Variants in SCMH1 observed in about 807,000 individuals in gnomAD.
The protein encoded by SCMH1 is polycomb protein SCMH1.
A neutral mutation model predicts 70.8 loss-of-function variants in SCMH1; 37 were observed. The observed-to-expected ratio is 0.52, with a 90% CI of 0.40 to 0.69. The LOEUF (loss-of-function observed/expected upper bound fraction) is 0.69. Among genes scored for constraint, SCMH1 ranks in the 30% least tolerant of loss-of-function variants. The pLI is 0.00. For synonymous variants in SCMH1, 292 were observed against 307.4 expected, an observed-to-expected ratio of 0.95 and a Z score of 0.52; for missense variants, 607 against 827.3, an observed-to-expected ratio of 0.73 and a Z score of 3.27.
chr1:41,211,779 A>G (rs918872679), intron 1 of SCMH1, among the ~76,000 whole-genome samples: 1 of 152,218 alleles, frequency 6.6e-6, no homozygotes, highest in African/African-American at 2.4e-5. Flanking sequence ...ATGTCCATTA[A>G]TGACAGACTG....
intron 8 of SCMH1, among the ~76,000 whole-genome samples, chr1:41,090,767 C>T (rs942729626): frequency 3.6e-4 from 55 of 152,046 alleles, no homozygotes; most frequent in African/African-American, 1.2e-3. Context: ...AGGCCAGGCG[C>T]GGTGGCTCAC....
chr1:41,039,201 A>G (rs1558347246), intron 12 of SCMH1, among the ~76,000 whole-genome samples: 1 of 152,216 alleles, frequency 6.6e-6, no homozygotes, highest in African/African-American at 2.4e-5. Flanking sequence ...GAGCTAACAG[A>G]TGTGAAGAAT....
intron 8 of SCMH1, among the ~76,000 whole-genome samples, chr1:41,111,293 A>G (rs1669182500): frequency 1.3e-5 from 2 of 152,160 alleles, no homozygotes; most frequent in South Asian, 4.1e-4. Context: ...CTGGTTTACA[A>G]GGTCCTACAT....
intron 2 of SCMH1, among the ~76,000 whole-genome samples, chr1:41,180,266 T>C (rs1381167950): frequency 1.3e-5 from 2 of 152,186 alleles, no homozygotes; most frequent in African/African-American, 4.8e-5. Context: ...TCATACTGAA[T>C]GGGCCAACAC....
intron 2 of SCMH1, among the ~76,000 whole-genome samples, chr1:41,163,834 CAT>C (rs1646233983): frequency 6.6e-6 from 1 of 152,126 alleles, no homozygotes; most frequent in South Asian, 2.1e-4. Context: ...TAGAAAAAAA[CAT>C]ATAAGTAAAC....
chr1:41,049,365 T>C (rs970105192), intron 10 of SCMH1, among the ~76,000 whole-genome samples: 3 of 151,778 alleles, frequency 2.0e-5, no homozygotes, highest in East Asian at 1.9e-4. Flanking sequence ...AGTTGCACCA[T>C]TGATCATTTG....
intron 10 of SCMH1, among the ~76,000 whole-genome samples, chr1:41,055,888 G>A (rs963794745): frequency 6.6e-6 from 1 of 152,220 alleles, no homozygotes; most frequent in African/African-American, 2.4e-5. Context: ...TAGACCTTGA[G>A]CCTACTGGTG....
chr1:41,229,303 C>T (rs781033394), intron 1 of SCMH1, among the ~76,000 whole-genome samples: 29 of 152,206 alleles, frequency 1.9e-4, no homozygotes, highest in South Asian at 4.2e-4. Flanking sequence ...ATTGGCAATG[C>T]GGCACTATTC....
intron 10 of SCMH1, among the ~76,000 whole-genome samples, chr1:41,067,835 A>G (rs1231588054): frequency 6.6e-6 from 1 of 152,248 alleles, no homozygotes; most frequent in African/African-American, 2.4e-5. Flanking sequence ...TAAATTCATC[A>G]ATTCTAAGAA....
chr1:41,037,367 G>A, exon 13 of SCMH1: 1 of 1,613,962 alleles, frequency 6.2e-7, no homozygotes, highest in Non-Finnish European at 8.5e-7. Context: ...CTTACCCCTG[G>A]AGCATAGCCT....
At chr1:41,155,111 C>T (rs1291068569) in intron 4 of SCMH1, among the ~76,000 whole-genome samples, 2 of 152,086 alleles carry the variant, frequency 1.3e-5, no homozygotes, top group Non-Finnish European at 2.9e-5. Flanking sequence ...AAAGCCATCT[C>T]ATTTAGTAAA....
chr1:41,239,014 A>G (rs1002943083), intron 1 of SCMH1, among the ~76,000 whole-genome samples: 1 of 151,924 alleles, frequency 6.6e-6, no homozygotes, highest in Non-Finnish European at 1.5e-5. Context: ...AGCCTTATAC[A>G]TTTTCTCAGA....
intron 1 of SCMH1, among the ~76,000 whole-genome samples, chr1:41,206,661 G>A (rs1291243434): frequency 1.3e-5 from 2 of 152,126 alleles, no homozygotes; most frequent in African/African-American, 2.4e-5. Context: ...AGCAAGGCAG[G>A]CCAACATTCA....
exon 9 of SCMH1, chr1:41,075,337 G>C: frequency 6.2e-7 from 1 of 1,614,080 alleles, no homozygotes; most frequent in Non-Finnish European, 8.5e-7. Flanking sequence ...CTTCTTTCCT[G>C]GTTTACGCCC....
intron 13 of SCMH1, among the ~76,000 whole-genome samples, chr1:41,029,257 G>A (rs893571767): frequency 6.6e-6 from 1 of 152,168 alleles, no homozygotes. Context: ...GTCACCCAGG[G>A]GCTGGAGTGC....
chr1:41,059,606 C>T (rs1167590295), intron 10 of SCMH1, among the ~76,000 whole-genome samples: 1 of 152,210 alleles, frequency 6.6e-6, no homozygotes, highest in Non-Finnish European at 1.5e-5. Context: ...CCTGATTCTT[C>T]CTGGATGCCA....
chr1:41,062,680 A>C (rs1653105868), intron 10 of SCMH1, among the ~76,000 whole-genome samples: 1 of 151,280 alleles, frequency 6.6e-6, no homozygotes, highest in Non-Finnish European at 1.5e-5. Flanking sequence ...CGGAGGTTGC[A>C]GTGAGCTGAG....
At chr1:41,028,695 G>A (rs763639795) in exon 14 of SCMH1, 2 of 1,614,142 alleles carry the variant, frequency 1.2e-6, no homozygotes, top group Non-Finnish European at 1.7e-6. Flanking sequence ...TCAGTCGAGA[G>A]GCATCGCGGC....
intron 8 of SCMH1, among the ~76,000 whole-genome samples, chr1:41,108,832 TA>T (rs1294006502): frequency 1.3e-5 from 2 of 152,250 alleles, no homozygotes; most frequent in East Asian, 3.9e-4. Flanking sequence ...ATTACAGAGG[TA>T]AAAGTGCCCA....
Sources: gnomAD v4.1 joint callset for allele counts (sites outside exome capture counted in the v4.1 genomes callset) on GRCh38, gnomAD v4.1.1 for gene constraint, MANE v1.5 for transcripts, NCBI Gene and HGNC (gene_info 2026-07-23, HGNC 2026-07-21) for gene names.